The following SPTSSB variants were observed in gnomAD, a reference collection of about 807,000 sequenced individuals.
SPTSSB encodes serine palmitoyltransferase small subunit B.
Under a neutral mutation model 7.7 loss-of-function variants are expected in SPTSSB, and 6 were observed. That is an observed-to-expected ratio of 0.78 (90% CI 0.43 to 1.54). The LOEUF is 1.54. SPTSSB is among the 40% of genes most tolerant of loss of function. The probability of loss-of-function intolerance (pLI) is 0.01; values close to 1 mark genes in which losing one functional copy is unlikely to be tolerated. For synonymous variants in SPTSSB, 28 were observed against 29.7 expected, an observed-to-expected ratio of 0.94 and a Z score of 0.19; for missense variants, 91 against 93.0, an observed-to-expected ratio of 0.98 and a Z score of 0.09.
intron 2 of SPTSSB, among the ~76,000 whole-genome samples, chr3:161,351,032 C>T (rs559560584): frequency 6.6e-6 from 1 of 152,158 alleles, no homozygotes; most frequent in Non-Finnish European, 1.5e-5. Context: ...CCAAAACCCC[C>T]AAGGTCATCA....
chr3:161,352,403 C>T (rs1489937829), intron 2 of SPTSSB, among the ~76,000 whole-genome samples: 1 of 152,146 alleles, frequency 6.6e-6, no homozygotes, highest in East Asian at 1.9e-4. Context: ...TATATTCTTT[C>T]TTCTATGAAA....
At chr3:161,364,386 A>G (rs1001949911) in intron 1 of SPTSSB, among the ~76,000 whole-genome samples, 1 of 152,162 alleles carries the variant, frequency 6.6e-6, no homozygotes, top group Non-Finnish European at 1.5e-5. Context: ...GCGAGATTTA[A>G]AATTTCCTAT....
intron 1 of SPTSSB, among the ~76,000 whole-genome samples, chr3:161,370,889 G>T (rs948406900): frequency 6.6e-6 from 1 of 152,168 alleles, no homozygotes; most frequent in Non-Finnish European, 1.5e-5. Context: ...AAGAAGTTTG[G>T]TTACTTATAA....
chr3:161,346,581 CTATTAG>C (rs1714250538), intron 2 of SPTSSB, among the ~76,000 whole-genome samples: 1 of 152,056 alleles, frequency 6.6e-6, no homozygotes, highest in Non-Finnish European at 1.5e-5. Flanking sequence ...AGCAATAATA[CTATTAG>C]TAACAGTAAC....
intron 1 of SPTSSB, among the ~76,000 whole-genome samples, 176 bp from the exon 2 acceptor site, chr3:161,360,070 G>A (rs766213762): frequency 1.3e-5 from 2 of 152,108 alleles, no homozygotes; most frequent in Non-Finnish European, 2.9e-5. Context: ...ATTATTTTTA[G>A]AAAAGGTCAC....
In SPTSSB at chr3:161,345,157, T is replaced by C. The variant is rs1484417942; in HGVS notation, c.*936A>G. The C allele has an allele frequency of 1.3e-5, 2 of 152,618 alleles. No individual in the cohort carries two copies. Among genetic ancestry groups the C allele is most frequent in the African/African-American group, 2.4e-5 (1 of 41,462 alleles). 9.5% of individuals were successfully genotyped at this position (152,618 alleles called of 1,614,324 possible). ...TGAAGGAAATTTAATAAATCTTGTT[T>C]TGGCTCTGCAAAGGAGCCACTATAT... is the stretch of plus-strand genomic sequence containing the variant. On this transcript the variant is annotated 3_prime_UTR_variant, in exon 3 of 3. Coordinates refer to ENST00000620149, the MANE Select transcript of SPTSSB (RefSeq NM_001040100.2).
rs182566034 is a variant in SPTSSB, at chr3:161,345,992, T to C, written c.*101A>G. 1 of 671,314 alleles carries C rather than the reference T, an allele frequency of 1.5e-6. No homozygotes were observed. The highest frequency in any genetic ancestry group is 2.3e-5 in the Admixed American group (1 of 44,412). The allele number at this position is 671,314 out of a possible 1,614,324, so 41.6% of individuals were successfully genotyped here. On this transcript the variant is annotated 3_prime_UTR_variant, in exon 3 of 3. Transcript: ENST00000620149. ...AAGAGTGCATAGAGAAGAGAGTGCT[T>C]TTCAGGTCAGATAGTGAAGGAAGAC...
intron 2 of SPTSSB, among the ~76,000 whole-genome samples, chr3:161,350,536 G>A (rs1262474874): frequency 1.3e-5 from 2 of 150,926 alleles, no homozygotes; most frequent in Non-Finnish European, 3.0e-5. Flanking sequence ...TTTTTTTTGT[G>A]CTTCATATTT....
intron 1 of SPTSSB, among the ~76,000 whole-genome samples, chr3:161,369,385 CTTTTTTTTTTTTT>C (rs71149710): frequency 2.7e-4 from 8 of 29,662 alleles, no homozygotes; most frequent in East Asian, 2.3e-3. Context: ...TCTTTCTTTC[CTTTTTTTTTTTTT>C]TTTTTTTTTT....
intron 2 of SPTSSB, among the ~76,000 whole-genome samples, chr3:161,355,674 A>T (rs1214286589): frequency 6.6e-6 from 1 of 152,182 alleles, no homozygotes; most frequent in African/African-American, 2.4e-5. Context: ...GTTGTCAGGG[A>T]CTGGGGAGAC....
At chr3:161,369,733 TCTCAGGGTATA>T (rs1334624031) in intron 1 of SPTSSB, among the ~76,000 whole-genome samples, 2 of 152,018 alleles carry the variant, frequency 1.3e-5, no homozygotes, top group Non-Finnish European at 2.9e-5. Flanking sequence ...GGCCTGCTTC[TCTCAGGGTATA>T]CTGTAGACGA....
At position 161,359,808 on chromosome 3, in the gene SPTSSB, A is replaced by G; in HGVS notation, c.-39T>C. ...ATAATCAGAATTTACTTGCCTAAGA[A>G]AGTCCAGGTCTGGTTCTTCAGCCTT... On this transcript the variant is annotated 5_prime_UTR_variant, in exon 2 of 3. Coordinates refer to ENST00000620149, the MANE Select transcript of SPTSSB (RefSeq NM_001040100.2). The G allele has an allele frequency of 1.0e-6, 1 of 985,426 alleles. No individual in the cohort carries two copies. Among genetic ancestry groups the G allele is most frequent in the Non-Finnish European group, 1.2e-6 (1 of 829,910 alleles). The allele number at this position is 985,426 out of a possible 1,614,324, so 61.0% of individuals were successfully genotyped here.
chr3:161,366,927 C>A lies in SPTSSB; in HGVS notation c.-126+4508G>T, dbSNP rs139108573. Among the ~76,000 whole-genome samples, 141 of 152,280 alleles carry A rather than the reference C, an allele frequency of 9.3e-4. 3 individuals carry two copies. In the East Asian group the frequency reaches 0.026, roughly 28 times the overall value. ...CAGTGGCTCACGTCTATAATCCCAG[C>A]ACTTTAGGAGGCCAAGGTGGGTGGA... On this transcript the variant is annotated intron_variant, in intron 1 of 2. Transcript: ENST00000620149.
In SPTSSB at chr3:161,345,907, C is replaced by T. The variant is rs1714199256; in HGVS notation, c.*186G>A. 1.9e-6 allele frequency: 1 copy of T among 526,692 alleles called. No homozygotes were observed. Among genetic ancestry groups the T allele is most frequent in the Non-Finnish European group, 3.4e-6 (1 of 292,508 alleles). The allele number at this position is 526,692 out of a possible 1,614,324, so 32.6% of individuals were successfully genotyped here. A position where few individuals can be genotyped will look rare whatever the true frequency, so the allele number is the denominator to read the frequency against. On this transcript the variant is annotated 3_prime_UTR_variant, in exon 3 of 3. Coordinates refer to ENST00000620149, the MANE Select transcript of SPTSSB (RefSeq NM_001040100.2). ...ATCTCCGGTCTAAAGCACAATGTAG[C>T]ATGTGCAAAAGAAACTAAAGAGACA...
intron 1 of SPTSSB, among the ~76,000 whole-genome samples, chr3:161,369,470 A>C (rs533825456): frequency 1.7e-5 from 2 of 115,178 alleles, no homozygotes; most frequent in Non-Finnish European, 3.4e-5. Context: ...TTTGATTTTC[A>C]TTTCCCCAAC....
At chr3:161,371,382 T>G (rs1715502456) in intron 1 of SPTSSB, 53 bp downstream of exon 1, 1 of 977,120 alleles carries the variant, frequency 1.0e-6, no homozygotes, top group African/African-American at 1.8e-5. Flanking sequence ...ACAGGAATTC[T>G]ATCCTACTAA....
chr3:161,356,502 T>C (rs151206996), intron 2 of SPTSSB, among the ~76,000 whole-genome samples: 1 of 152,360 alleles, frequency 6.6e-6, no homozygotes, highest in East Asian at 1.9e-4. Context: ...AATCTGGTTG[T>C]ATAAGGAGCT....
intron 2 of SPTSSB, among the ~76,000 whole-genome samples, chr3:161,353,014 C>G (rs1714613524): frequency 6.6e-6 from 1 of 152,050 alleles, no homozygotes; most frequent in Admixed American, 6.6e-5. Context: ...ATGGGAACAC[C>G]TGGACACTTG....
At chr3:161,367,162 A>G (rs1236531468) in intron 1 of SPTSSB, among the ~76,000 whole-genome samples, 1 of 152,262 alleles carries the variant, frequency 6.6e-6, no homozygotes, top group Non-Finnish European at 1.5e-5. Context: ...GGGCAAAAAG[A>G]GTGAAACTCT....
Sources: allele counts gnomAD v4.1 joint callset (sites outside exome capture counted in the v4.1 genomes callset), GRCh38; gene constraint gnomAD v4.1.1; transcripts MANE v1.5; gene names NCBI Gene and HGNC (gene_info 2026-07-23, HGNC 2026-07-21).